The following ELP4 variants were observed in gnomAD, a reference collection of about 807,000 sequenced individuals.
The protein encoded by ELP4 is elongator complex protein 4.
In ELP4, 51 loss-of-function variants were observed where a neutral mutation model predicts 48.9. The ratio of observed to expected loss-of-function variants is 1.04; its 90% confidence interval spans 0.83 to 1.32. The LOEUF is 1.32. Among genes scored for constraint, ELP4 ranks in the 40% most tolerant of loss-of-function variants. The pLI is 0.00. For missense variants in ELP4, 519 were observed against 514.6 expected (o/e 1.01, Z -0.08); for synonymous variants, 210 against 189.2 (o/e 1.11, Z -0.90).
chr11:31,669,242 T>C (rs1172066715), intron 9 of ELP4, among the ~76,000 whole-genome samples: 1 of 151,780 alleles, frequency 6.6e-6, no homozygotes, highest in African/African-American at 2.4e-5. Context: ...GGGACTACCA[T>C]GCCCAGCTAA....
intron 6 of ELP4, 54 bp downstream of exon 6, chr11:31,627,248 A>T: frequency 1.2e-5 from 1 of 80,418 alleles, no homozygotes; most frequent in East Asian, 5.2e-4. Flanking sequence ...TTGTTTTCAA[A>T]TTCTCTGGGG....
chr11:31,593,511 G>A (rs979663966), intron 3 of ELP4, among the ~76,000 whole-genome samples: 4 of 152,040 alleles, frequency 2.6e-5, no homozygotes, highest in South Asian at 2.1e-4. Context: ...CTCCCAAAGC[G>A]CTAGGATTAT....
At chr11:31,662,440 G>A (rs1012347491) in intron 9 of ELP4, 10 of 394,672 alleles carry the variant, frequency 2.5e-5, no homozygotes, top group Non-Finnish European at 4.5e-5. Context: ...GCCAAATCCA[G>A]CTCCATGTTG....
intron 9 of ELP4, among the ~76,000 whole-genome samples, chr11:31,744,484 T>C (rs996199074): frequency 6.6e-6 from 1 of 152,090 alleles, no homozygotes; most frequent in African/African-American, 2.4e-5. Context: ...GATGCAAAAA[T>C]CCTCAATAAA....
chr11:31,772,885 G>A (rs1948176748), intron 9 of ELP4, among the ~76,000 whole-genome samples: 1 of 152,176 alleles, frequency 6.6e-6, no homozygotes, highest in South Asian at 2.1e-4. Context: ...GCTAGAAACT[G>A]CAAAAATTAT....
intron 9 of ELP4, among the ~76,000 whole-genome samples, chr11:31,761,239 G>C (rs1440570228): frequency 6.6e-6 from 1 of 151,910 alleles, no homozygotes; most frequent in Non-Finnish European, 1.5e-5. Context: ...TCAGGAGGCT[G>C]AGGTGGGAGG....
intron 5 of ELP4, among the ~76,000 whole-genome samples, chr11:31,604,982 T>C (rs1309394422): frequency 1.3e-5 from 2 of 152,052 alleles, no homozygotes; most frequent in Admixed American, 6.6e-5. Context: ...GTAGTACTAA[T>C]ATGCAGAAGT....
At chr11:31,603,736 T>A in intron 4 of ELP4, 32 bp from the exon 5 acceptor site, 1 of 1,582,318 alleles carries the variant, frequency 6.3e-7, no homozygotes. Flanking sequence ...AAAATAATTG[T>A]TTAACAACCA....
chr11:31,769,176 T>C (rs1948092339), intron 9 of ELP4, among the ~76,000 whole-genome samples: 1 of 152,052 alleles, frequency 6.6e-6, no homozygotes, highest in Non-Finnish European at 1.5e-5. Context: ...TAGAGAGTAG[T>C]TGGGAGATTT....
At chr11:31,522,859 CTTT>C (rs1161716080) in intron 2 of ELP4, among the ~76,000 whole-genome samples, 2 of 138,012 alleles carry the variant, frequency 1.4e-5, no homozygotes, top group Non-Finnish European at 3.2e-5. Context: ...AAGTTCTCCA[CTTT>C]TTTTTTTTTT....
chr11:31,594,691 G>T (rs890834025), intron 3 of ELP4, 79 bp from the exon 4 acceptor site: 16 of 910,208 alleles, frequency 1.8e-5, no homozygotes, highest in Non-Finnish European at 2.5e-5. Context: ...GAAATTTCTA[G>T]TGTTGCTAAT....
rs1944847290 is a variant in ELP4 at position 31,630,878 on chromosome 11, G to A, written c.739-1339G>A. Among the ~76,000 whole-genome samples the A allele has an allele frequency of 2.0e-5, 3 of 152,056 alleles. No homozygotes were observed. In the South Asian group the frequency reaches 6.2e-4, roughly 32 times the overall value. ...GAAGATCACTTGAGCCCAGGAGTTC[G>A]AGACTACCATAAGCTATAGTAAGGC... is the stretch of plus-strand genomic sequence containing the variant. On this transcript the variant is annotated intron_variant, in intron 6 of 9. Transcript: ENST00000640961.
At chr11:31,717,394 A>G (rs1946864078) in intron 9 of ELP4, among the ~76,000 whole-genome samples, 1 of 152,110 alleles carries the variant, frequency 6.6e-6, no homozygotes, top group Non-Finnish European at 1.5e-5. Context: ...TTTGTAATAT[A>G]TTAGTATCAG....
intron 3 of ELP4, among the ~76,000 whole-genome samples, chr11:31,546,446 A>T (rs1332636120): frequency 7.9e-5 from 12 of 152,162 alleles, no homozygotes; most frequent in Admixed American, 5.2e-4. Context: ...TATCCTAAAT[A>T]TATATGCACC....
chr11:31,738,593 G>A (rs73477603), intron 9 of ELP4, among the ~76,000 whole-genome samples: 1,983 of 151,990 alleles, frequency 0.013, 39 homozygotes, highest in African/African-American at 0.042. Flanking sequence ...AAAGTTTGCC[G>A]AGCATGGTGG....
chr11:31,649,512 C>G (rs1945276448), intron 8 of ELP4: 1 of 151,608 alleles, frequency 6.6e-6, no homozygotes, highest in African/African-American at 2.4e-5. Flanking sequence ...AGCACTGTTG[C>G]AAAGCTTATA....
intron 3 of ELP4, among the ~76,000 whole-genome samples, chr11:31,548,642 G>A (rs1956779581): frequency 6.6e-6 from 1 of 152,076 alleles, no homozygotes; most frequent in African/African-American, 2.4e-5. Context: ...CTACTTTAAA[G>A]TTCATATGGA....
intron 9 of ELP4, among the ~76,000 whole-genome samples, chr11:31,736,171 G>A (rs865842231): frequency 1.2e-4 from 18 of 151,980 alleles, no homozygotes; most frequent in Non-Finnish European, 1.9e-4. Flanking sequence ...AAATAAAGCC[G>A]CATATCTACA....
At chr11:31,685,490 A>G (rs951804733) in intron 9 of ELP4, among the ~76,000 whole-genome samples, 2 of 152,228 alleles carry the variant, frequency 1.3e-5, no homozygotes, top group Non-Finnish European at 2.9e-5. Flanking sequence ...TTTCAATGCA[A>G]TAGTGCAATT....
Sources: gnomAD v4.1 joint callset for allele counts (sites outside exome capture counted in the v4.1 genomes callset) on GRCh38, gnomAD v4.1.1 for gene constraint, MANE v1.5 for transcripts, NCBI Gene and HGNC (gene_info 2026-07-23, HGNC 2026-07-21) for gene names.